The following GCH1 variants were observed in gnomAD, a reference collection of about 807,000 sequenced individuals.
GCH1 encodes the protein GTP cyclohydrolase 1.
A neutral mutation model predicts 25.9 loss-of-function variants in GCH1; 5 were observed. That is an observed-to-expected ratio of 0.19 (90% CI 0.10 to 0.41). GCH1 has a LOEUF of 0.41. Ranked by LOEUF, GCH1 falls within the 10% of genes least tolerant of loss-of-function variation. GCH1 has a pLI of 1.00. For synonymous variants in GCH1, 159 were observed against 129.6 expected, an observed-to-expected ratio of 1.23 and a Z score of -1.54; for missense variants, 261 against 336.5, an observed-to-expected ratio of 0.78 and a Z score of 1.75.
chr14:54,845,477 CAA>C (rs202052423), intron 5 of GCH1, among the ~76,000 whole-genome samples: 1 of 137,812 alleles, frequency 7.3e-6, no homozygotes. Flanking sequence ...GGCTCCATCT[CAA>C]AAAAAAAAAA....
In GCH1 at chr14:54,873,090, G is replaced by A. The variant is rs370274640; in HGVS notation, c.344-7654C>T. On this transcript the variant is annotated intron_variant, in intron 1 of 5. Transcript: ENST00000491895. The stretch of plus-strand genomic sequence containing the variant: ...ACATCACACTTATTCCAAAATTGAC[G>A]GAAGTAAAACACTCCTCAGCAAATG... 6.2e-4 allele frequency among the ~76,000 whole-genome samples: 94 copies of A among 150,414 alleles called. No individual in the cohort carries two copies. The East Asian group carries it at 0.013, about 21-fold the overall frequency.
intron 3 of GCH1, among the ~76,000 whole-genome samples, chr14:54,849,563 CTA>C (rs2039694320): frequency 6.6e-6 from 1 of 152,142 alleles, no homozygotes; most frequent in African/African-American, 2.4e-5. Context: ...CTGCAATTTA[CTA>C]TGTTTTAATC....
intron 2 of GCH1, among the ~76,000 whole-genome samples, chr14:54,860,569 C>G (rs936653297): frequency 7.4e-6 from 1 of 135,226 alleles, no homozygotes; most frequent in African/African-American, 2.8e-5. Flanking sequence ...GAGATGGAGT[C>G]TCACTCTGTC....
At chr14:54,899,188 T>C (rs1478388255) in intron 1 of GCH1, among the ~76,000 whole-genome samples, 4 of 152,260 alleles carry the variant, frequency 2.6e-5, no homozygotes, top group Non-Finnish European at 5.9e-5. Context: ...GGGCTGGGTA[T>C]GGTGGCTCAC....
chr14:54,852,131 G>A (rs2039740617), intron 3 of GCH1, among the ~76,000 whole-genome samples: 2 of 152,068 alleles, frequency 1.3e-5, no homozygotes. Flanking sequence ...AGGTCGACAG[G>A]TTCTCGGAAT....
At chr14:54,851,011 G>A (rs2039721774) in intron 3 of GCH1, among the ~76,000 whole-genome samples, 1 of 152,196 alleles carries the variant, frequency 6.6e-6, no homozygotes, top group Non-Finnish European at 1.5e-5. Flanking sequence ...AACCAAAACA[G>A]CATGGTGCTG....
chr14:54,862,860 G>A (rs1283564078), intron 2 of GCH1, among the ~76,000 whole-genome samples: 1 of 152,020 alleles, frequency 6.6e-6, no homozygotes, highest in East Asian at 1.9e-4. Context: ...AATCTGGAAG[G>A]TGGGGCACTC....
intron 4 of GCH1, 82 bp from the exon 5 acceptor site, chr14:54,845,934 C>G: frequency 1.2e-6 from 1 of 831,318 alleles, no homozygotes; most frequent in Non-Finnish European, 2.1e-6. Context: ...CATTTGAAAT[C>G]TTAAAAATCA....
At chr14:54,862,597 T>TTTG (rs1555359848) in intron 2 of GCH1, among the ~76,000 whole-genome samples, 2 of 132,202 alleles carry the variant, frequency 1.5e-5, no homozygotes, top group Non-Finnish European at 3.1e-5. Context: ...GTTTTCGTTT[T>TTTG]TTTTTTTTTT....
chr14:54,880,616 C>CAT (rs1319027866), intron 1 of GCH1, among the ~76,000 whole-genome samples: 1 of 12,740 alleles, frequency 7.8e-5, no homozygotes, highest in African/African-American at 4.6e-4. Context: ...ATATATACTC[C>CAT]ATATATATAT....
In GCH1 at chr14:54,902,415, G is replaced by A. The variant is rs1329851683; in HGVS notation, c.249C>T (p.Gly83=). The A allele has an allele frequency of 1.2e-6, 2 of 1,612,876 alleles. No individual in the cohort carries two copies. Among genetic ancestry groups the A allele is most frequent in the East Asian group, 2.2e-5 (1 of 44,862 alleles). ...GCAGCCCTTGCCGCTGGGGGTTCTCGCCCAGCGAGCTCAGGATGGACGAGT... is the reference window on the plus strand; with the variant it reads ...GCAGCCCTTGCCGCTGGGGGTTCTCACCCAGCGAGCTCAGGATGGACGAGT... The part of the protein sequence containing the change: ...AAYSSILSSL[G]ENPQRQGLLK... The change falls in exon 1 of 6, where the codon GGC becomes GGT. Residue 83 remains glycine, a synonymous_variant. Coordinates refer to ENST00000491895, the MANE Select transcript of GCH1 (RefSeq NM_000161.3).
Position 54,890,646 on chromosome 14 carries a change from C to G in GCH1, c.343+11675G>C, listed in dbSNP as rs138056119. On this transcript the variant is annotated intron_variant, in intron 1 of 5. Transcript: ENST00000491895. ...TGGCCCTAATGCCATTAATATTGAT[C>G]TTTTAAAAGTTTAAAATAAATCTAA... Among the ~76,000 whole-genome samples, 407 of 152,262 alleles carry G rather than the reference C, an allele frequency of 2.7e-3. 1 individual carries two copies. Among genetic ancestry groups the G allele is most frequent in the African/African-American group, 9.4e-3 (389 of 41,556 alleles).
intron 1 of GCH1, among the ~76,000 whole-genome samples, chr14:54,886,648 C>T (rs1043428405): frequency 6.6e-5 from 10 of 152,060 alleles, no homozygotes; most frequent in Admixed American, 3.3e-4. Context: ...CAGTTATTGT[C>T]CCGACTTTAC....
Position 54,852,868 on chromosome 14 carries a change from G to C in GCH1, c.510-5738C>G, listed in dbSNP as rs555700550. Among the ~76,000 whole-genome samples the C allele has an allele frequency of 8.5e-5, 13 of 152,124 alleles. No individual in the cohort carries two copies. The South Asian group carries it at 2.7e-3, about 32-fold the overall frequency. Reference sequence around the variant, plus strand: ...GGTACTCCTTGGAACTTCATCTTTGGGTATCCTTCCAAGCCTGGATAAAAG... The same window carrying C: ...GGTACTCCTTGGAACTTCATCTTTGCGTATCCTTCCAAGCCTGGATAAAAG... On this transcript the variant is annotated intron_variant, in intron 3 of 5. Coordinates refer to ENST00000491895, the MANE Select transcript of GCH1 (RefSeq NM_000161.3).
chr14:54,849,798 G>A (rs933329329), intron 3 of GCH1, among the ~76,000 whole-genome samples: 5 of 152,078 alleles, frequency 3.3e-5, no homozygotes, highest in Non-Finnish European at 7.4e-5. Flanking sequence ...TCTTTGCGCT[G>A]CATTCAGCAC....
Position 54,843,661 on chromosome 14 carries a change from C to A in GCH1, c.*356G>T. ...CAGTATACTGGGCACAGTTCCCTCT[C>A]ATTCCCAATGCTCCTATGCTTATGA... On this transcript the variant is annotated 3_prime_UTR_variant, in exon 6 of 6. Transcript: ENST00000491895. The A allele has an allele frequency of 6.4e-7, 1 of 1,572,202 alleles. No individual in the cohort carries two copies. The highest frequency in any genetic ancestry group is 1.2e-5 in the South Asian group (1 of 83,366).
chr14:54,896,148 A>G (rs2040480525), intron 1 of GCH1, among the ~76,000 whole-genome samples: 1 of 152,252 alleles, frequency 6.6e-6, no homozygotes, highest in Non-Finnish European at 1.5e-5. Context: ...GAGTTAATAT[A>G]TAGAATACAG....
chr14:54,885,944 A>G, intron 1 of GCH1: 1 of 226,110 alleles, frequency 4.4e-6, no homozygotes, highest in South Asian at 6.0e-5. Flanking sequence ...AGCAGTTCAC[A>G]CAACAGCCCA....
intron 3 of GCH1, among the ~76,000 whole-genome samples, chr14:54,856,921 T>C (rs1049337080): frequency 2.0e-5 from 3 of 152,256 alleles, no homozygotes; most frequent in Non-Finnish European, 4.4e-5. Context: ...TGCTTGATAT[T>C]TGACTTCACT....
Sources: allele counts gnomAD v4.1 joint callset (sites outside exome capture counted in the v4.1 genomes callset), GRCh38; gene constraint gnomAD v4.1.1; transcripts MANE v1.5; gene names NCBI Gene and HGNC (gene_info 2026-07-23, HGNC 2026-07-21).